The following MACROD2 variants were observed in gnomAD, a reference collection of about 807,000 sequenced individuals.
The protein encoded by MACROD2 is mono-ADP ribosylhydrolase 2.
Under a neutral mutation model 70.4 loss-of-function variants are expected in MACROD2, and 36 were observed. The observed-to-expected ratio is 0.51, with a 90% confidence interval of 0.39 to 0.68. The LOEUF (loss-of-function observed/expected upper bound fraction) is 0.68. Ranked by LOEUF, MACROD2 falls within the 30% of genes least tolerant of loss-of-function variation. MACROD2 has a pLI of 0.00. For missense variants in MACROD2, 496 were observed against 538.4 expected, an observed-to-expected ratio of 0.92 and a Z score of 0.78; for synonymous variants, 172 against 178.8, an observed-to-expected ratio of 0.96 and a Z score of 0.30.
intron 3 of MACROD2, among the ~76,000 whole-genome samples, chr20:14,477,671 A>C (rs2084613165): frequency 6.6e-6 from 1 of 151,990 alleles, no homozygotes; most frequent in African/African-American, 2.4e-5. Context: ...TCTAACAATG[A>C]CTCCATACAC....
At position 15,847,828 on chromosome 20, in the gene MACROD2, T is replaced by A. The variant is rs75600621; in HGVS notation, c.646-14917T>A. 7.1e-3 allele frequency among the ~76,000 whole-genome samples: 1,089 copies of A among 152,318 alleles called. 14 individuals are homozygous for A. In the East Asian group the frequency reaches 0.079, roughly 11 times the overall value. On this transcript the variant is annotated intron_variant, in intron 8 of 17. Coordinates refer to ENST00000684519, the MANE Select transcript of MACROD2 (RefSeq NM_001351661.2). ...GCCGTAGTCTTCTCTTCTTTCTTTT[T>A]ATGTTTTTGTTTTTATTTGGTTAGT...
intron 8 of MACROD2, among the ~76,000 whole-genome samples, chr20:15,585,821 C>G (rs2048591979): frequency 2.0e-5 from 3 of 152,066 alleles, no homozygotes; most frequent in Non-Finnish European, 4.4e-5. Flanking sequence ...AAACTACTAG[C>G]CCTGAATTTG....
intron 5 of MACROD2, among the ~76,000 whole-genome samples, chr20:14,902,365 G>A (rs535877461): frequency 6.6e-6 from 1 of 152,268 alleles, no homozygotes; most frequent in Non-Finnish European, 1.5e-5. Context: ...GAATAGGTCA[G>A]CCACATTGTT....
At chr20:14,730,422 T>C (rs1349367182) in intron 5 of MACROD2, among the ~76,000 whole-genome samples, 1 of 151,650 alleles carries the variant, frequency 6.6e-6, no homozygotes, top group Non-Finnish European at 1.5e-5. Flanking sequence ...CCAACAACCG[T>C]TATTAGACTG....
intron 4 of MACROD2, among the ~76,000 whole-genome samples, chr20:14,499,158 C>G (rs752694925): frequency 6.6e-6 from 1 of 152,176 alleles, no homozygotes; most frequent in Non-Finnish European, 1.5e-5. Flanking sequence ...AACTCAGGGG[C>G]TCTGGCCTTT....
chr20:16,023,555 A>G (rs1160365336), intron 15 of MACROD2, among the ~76,000 whole-genome samples: 1 of 151,252 alleles, frequency 6.6e-6, no homozygotes, highest in Non-Finnish European at 1.5e-5. Context: ...TCTTGAGGGC[A>G]GGTGGGTTAC....
intron 5 of MACROD2, among the ~76,000 whole-genome samples, chr20:15,069,518 A>G (rs2075602735): frequency 6.6e-6 from 1 of 152,200 alleles, no homozygotes; most frequent in Non-Finnish European, 1.5e-5. Flanking sequence ...CCAGAGACCT[A>G]GAAGGAAGGA....
intron 5 of MACROD2, among the ~76,000 whole-genome samples, chr20:15,180,044 C>T (rs998174616): frequency 6.6e-6 from 1 of 152,120 alleles, no homozygotes; most frequent in Admixed American, 6.6e-5. Flanking sequence ...TGCACCTGTG[C>T]CCCTGGTTTC....
chr20:15,811,244 A>T (rs2063818463), intron 8 of MACROD2, among the ~76,000 whole-genome samples: 1 of 151,862 alleles, frequency 6.6e-6, no homozygotes, highest in Non-Finnish European at 1.5e-5. Context: ...TTTACAAGAA[A>T]AAAACAAACA....
chr20:14,578,953 T>C (rs1019935203), intron 4 of MACROD2, among the ~76,000 whole-genome samples: 1 of 151,152 alleles, frequency 6.6e-6, no homozygotes, highest in African/African-American at 2.4e-5. Flanking sequence ...GTTCTTCCCA[T>C]GTTTCTTGGA....
chr20:14,303,628 C>G (rs371058133), intron 3 of MACROD2, among the ~76,000 whole-genome samples: 25 of 152,232 alleles, frequency 1.6e-4, no homozygotes, highest in African/African-American at 6.0e-4. Context: ...TCAGCTGACC[C>G]GTTTCCTTTA....
chr20:14,985,217 A>G (rs979624914), intron 5 of MACROD2, among the ~76,000 whole-genome samples: 2 of 152,188 alleles, frequency 1.3e-5, no homozygotes, highest in Non-Finnish European at 2.9e-5. Flanking sequence ...ACTCAATTGC[A>G]TTTTGAGCTC....
intron 5 of MACROD2, among the ~76,000 whole-genome samples, chr20:15,225,446 G>C (rs1389874695): frequency 1.3e-5 from 2 of 152,092 alleles, no homozygotes; most frequent in Admixed American, 1.3e-4. Flanking sequence ...GCAGTGAAAA[G>C]TTTCCTCCCC....
chr20:15,317,543 C>G (rs1486596554), intron 6 of MACROD2, among the ~76,000 whole-genome samples: 1 of 146,194 alleles, frequency 6.8e-6, no homozygotes, highest in Non-Finnish European at 1.5e-5. Flanking sequence ...CTATCTCTAT[C>G]AAGATATTTA....
chr20:15,077,393 A>G (rs563558924), intron 5 of MACROD2, among the ~76,000 whole-genome samples: 4 of 152,192 alleles, frequency 2.6e-5, no homozygotes, highest in Non-Finnish European at 4.4e-5. Context: ...GTAGGGAAAA[A>G]AAGTTATTTC....
intron 5 of MACROD2, among the ~76,000 whole-genome samples, chr20:14,844,240 T>C (rs2073116210): frequency 6.6e-6 from 1 of 152,040 alleles, no homozygotes; most frequent in South Asian, 2.1e-4. Context: ...GGCAAAGTAC[T>C]GGTTCAAAAA....
chr20:14,469,406 T>C (rs1295561000), intron 3 of MACROD2, among the ~76,000 whole-genome samples: 1 of 152,062 alleles, frequency 6.6e-6, no homozygotes, highest in African/African-American at 2.4e-5. Flanking sequence ...ATTACGTGTC[T>C]TGGGGTTGCT....
At chr20:14,338,271 G>C (rs1454559356) in intron 3 of MACROD2, among the ~76,000 whole-genome samples, 1 of 152,132 alleles carries the variant, frequency 6.6e-6, no homozygotes, top group Non-Finnish European at 1.5e-5. Context: ...GGAGGCTGAG[G>C]CAGGAGAATC....
chr20:14,269,051 T>C (rs548702201), intron 3 of MACROD2, among the ~76,000 whole-genome samples: 2 of 152,304 alleles, frequency 1.3e-5, no homozygotes, highest in East Asian at 3.9e-4. Flanking sequence ...TCTAAACATA[T>C]TAAAATGCCT....
Sources: allele counts gnomAD v4.1 joint callset (sites outside exome capture counted in the v4.1 genomes callset), GRCh38; gene constraint gnomAD v4.1.1; transcripts MANE v1.5; gene names NCBI Gene and HGNC (gene_info 2026-07-23, HGNC 2026-07-21).